Variants in SHOX observed in about 807,000 individuals in gnomAD.
SHOX encodes SHOX homeobox.
In SHOX, 12 loss-of-function variants were observed where a neutral mutation model predicts 29.6. The observed-to-expected ratio is 0.41, with a 90% CI of 0.26 to 0.66. The LOEUF is 0.66. Ranked by LOEUF, SHOX falls within the 30% of genes least tolerant of loss-of-function variation. The pLI is 0.35. For missense variants in SHOX, 499 were observed against 437.7 expected (o/e 1.14, Z -1.25); for synonymous variants, 214 against 200.6 (o/e 1.07, Z -0.57).
downstream of SHOX, among the ~76,000 whole-genome samples, chrX:652,464 G>A (rs2053081131): frequency 6.6e-6 from 1 of 151,472 alleles, no homozygotes; most frequent in Admixed American, 6.6e-5. Context: ...GGAGGGAAGT[G>A]GGGGAGGGAC....
At chrX:629,462 T>A (rs1264267967), upstream of SHOX, among the ~76,000 whole-genome samples, 1 of 151,628 alleles carries the variant, frequency 6.6e-6, no homozygotes, top group African/African-American at 2.4e-5. Flanking sequence ...TGTCTCTCCC[T>A]TTCTCTCTGT....
chrX:634,566 G>T, intron 1 of SHOX, 52 bp from the exon 2 acceptor site: 25 of 1,598,726 alleles, frequency 1.6e-5, no homozygotes, highest in South Asian at 2.2e-5. Flanking sequence ...GGTTCGCCAC[G>T]TTGCGCAAAA....
At chrX:639,583 G>A (rs954437030) in intron 2 of SHOX, among the ~76,000 whole-genome samples, 5 of 152,226 alleles carry the variant, frequency 3.3e-5, no homozygotes, top group African/African-American at 1.2e-4. Flanking sequence ...GGGGCGGGGC[G>A]CCCACACAGA....
downstream of SHOX, among the ~76,000 whole-genome samples, chrX:652,176 G>C (rs1031833845): frequency 5.3e-5 from 8 of 152,110 alleles, no homozygotes; most frequent in East Asian, 7.7e-4. Context: ...ACCCGCGTCT[G>C]GGCCCGGCCG....
At position 635,861 on chromosome X, in the gene SHOX, A is replaced by G. The variant is rs1302982952; in HGVS notation, c.486+1035A>G. ...GCAGGACAGAAGTGGGGGGAGGGAG[A>G]GAGAGAGAGAGAGAGAGAGAGAGAC... On this transcript the variant is annotated intron_variant, in intron 2 of 4. Coordinates refer to ENST00000686671, the MANE Select transcript of SHOX (RefSeq NM_000451.4). Among the ~76,000 whole-genome samples the G allele has an allele frequency of 3.5e-4, 22 of 62,864 alleles. No homozygotes were observed. The South Asian group carries it at 0.016, about 46-fold the overall frequency. The allele number at this position is 62,864 out of a possible 152,430, so 41.2% of individuals were successfully genotyped here. A position where few individuals can be genotyped will look rare whatever the true frequency, so the allele number is the denominator to read the frequency against.
chrX:634,485 C>T, intron 1 of SHOX, 133 bp from the exon 2 acceptor site: 2 of 914,828 alleles, frequency 2.2e-6, no homozygotes, highest in Non-Finnish European at 3.5e-6. Context: ...GCCTTATGGA[C>T]CCCACGCAGT....
chrX:644,729 T>G lies in SHOX; in HGVS notation c.*93T>G. ...TGCACTCAACCCCGCCTGGAGCTCC[T>G]TCCGCGGCCACCGTGCTCCGGGCAC... is the stretch of plus-strand genomic sequence containing the variant. On this transcript the variant is annotated 3_prime_UTR_variant, in exon 5 of 5. Coordinates refer to ENST00000686671, the MANE Select transcript of SHOX (RefSeq NM_000451.4). The G allele has an allele frequency of 8.4e-5, 108 of 1,282,090 alleles. No homozygotes were observed. The highest frequency in any genetic ancestry group is 2.9e-4 in the Middle Eastern group (1 of 3,440). 79.4% of individuals were successfully genotyped at this position (1,282,090 alleles called of 1,614,324 possible). A position where few individuals can be genotyped will look rare whatever the true frequency, so the allele number is the denominator to read the frequency against.
At chrX:657,221 C>G (rs998861764) in intron 5 of SHOX, among the ~76,000 whole-genome samples, 1 of 152,178 alleles carries the variant, frequency 6.6e-6, no homozygotes. Context: ...GTGCAGTGAC[C>G]TCTTCAGAAA....
At chrX:627,186 G>A (rs1353231926), upstream of SHOX, among the ~76,000 whole-genome samples, 1 of 152,196 alleles carries the variant, frequency 6.6e-6, no homozygotes, top group Non-Finnish European at 1.5e-5. Context: ...GCAGCCGCCT[G>A]CTGTAAAATG....
At chrX:652,507 A>G (rs192885331), downstream of SHOX, among the ~76,000 whole-genome samples, 2,660 of 151,890 alleles carry the variant, frequency 0.018, 70 homozygotes, top group African/African-American at 0.059. Flanking sequence ...CACCGCGGTT[A>G]CAGGGTGGGC....
intron 1 of SHOX, among the ~76,000 whole-genome samples, chrX:624,866 CTTTCTTTCTTTCTTTCTTT>C (rs1569491654): frequency 3.3e-4 from 18 of 54,848 alleles, no homozygotes; most frequent in Non-Finnish European, 5.5e-4. Context: ...TCTTTCTTTT[CTTTCTTTCTTTCTTTCTTT>C]CTTTCTTTCT....
upstream of SHOX, among the ~76,000 whole-genome samples, chrX:630,116 G>A (rs1473799434): frequency 6.6e-6 from 1 of 152,046 alleles, no homozygotes; most frequent in African/African-American, 2.4e-5. Flanking sequence ...AGGCGGCCCC[G>A]GGGATCCTCG....
Position 644,668 on chromosome X carries a change from C to T in SHOX, c.*32C>T, listed in dbSNP as rs1213099147. On this transcript the variant is annotated 3_prime_UTR_variant, in exon 5 of 5. Transcript: ENST00000686671. ...GCGCAGCCCCCCGCGCGCCCGGACT[C>T]CCGGGCTCCGCGCACCCCGCCTGCA... 9.9e-6 allele frequency: 14 copies of T among 1,408,310 alleles called. No individual in the cohort carries two copies. Among genetic ancestry groups the T allele is most frequent in the Non-Finnish European group, 1.2e-5 (13 of 1,092,730 alleles). The allele number at this position is 1,408,310 out of a possible 1,614,324, so 87.2% of individuals were successfully genotyped here.
Position 651,521 on chromosome X carries a change from C to T in SHOX, c.*6885C>T, listed in dbSNP as rs1320872576. The T allele has an allele frequency of 1.5e-5, 6 of 395,222 alleles. No individual in the cohort carries two copies. Among genetic ancestry groups the T allele is most frequent in the South Asian group, 3.8e-5 (2 of 53,058 alleles). The allele number at this position is 395,222 out of a possible 1,614,324, so 24.5% of individuals were successfully genotyped here. ...GCAGCAACAGACTGTATTTTTGTGA[C>T]GCCCCGTAGTATGAATGTACATCTT... On this transcript the variant is annotated 3_prime_UTR_variant, in exon 5 of 5. Coordinates refer to ENST00000686671, the MANE Select transcript of SHOX (RefSeq NM_000451.4).
intron 2 of SHOX, 116 bp downstream of exon 2, chrX:634,942 G>A (rs1603285480): frequency 2.6e-6 from 3 of 1,138,924 alleles, no homozygotes; most frequent in Non-Finnish European, 3.7e-6. Flanking sequence ...CCCGGAGCGC[G>A]GGGAGGTTGG....
At chrX:639,416 A>C (rs2052811110) in intron 2 of SHOX, among the ~76,000 whole-genome samples, 1 of 148,566 alleles carries the variant, frequency 6.7e-6, no homozygotes. Flanking sequence ...GAGGAGGCCG[A>C]GAAGGGCAAA....
chrX:655,700 TC>T (rs1341127415), downstream of SHOX, among the ~76,000 whole-genome samples: 2 of 148,784 alleles, frequency 1.3e-5, no homozygotes, highest in Non-Finnish European at 3.0e-5. Context: ...CTACTGGTTT[TC>T]CCCTTGGGAA....
At chrX:634,226 T>G (rs770923234) in intron 1 of SHOX, among the ~76,000 whole-genome samples, 1 of 152,224 alleles carries the variant, frequency 6.6e-6, no homozygotes, top group South Asian at 2.1e-4. Context: ...CCCCGGGTCC[T>G]CCCCGTGTCC....
upstream of SHOX, among the ~76,000 whole-genome samples, chrX:629,643 T>G (rs1201778004): frequency 6.6e-6 from 1 of 152,120 alleles, no homozygotes. Flanking sequence ...CCCACTGCTG[T>G]GCCATCTCAC....
Sources: allele counts gnomAD v4.1 joint callset (sites outside exome capture counted in the v4.1 genomes callset), GRCh38; gene constraint gnomAD v4.1.1; transcripts MANE v1.5; gene names NCBI Gene and HGNC (gene_info 2026-07-23, HGNC 2026-07-21).